Variants in SYNE1 observed in about 807,000 individuals in gnomAD.
SYNE1 encodes the protein nesprin-1.
In SYNE1, 616 loss-of-function variants were observed where a neutral mutation model predicts 1,111.0. That is an observed-to-expected ratio of 0.55 (90% CI 0.52 to 0.59). SYNE1 has a LOEUF of 0.59. Ranked by LOEUF, SYNE1 falls within the 20% of genes least tolerant of loss-of-function variation. The pLI is 0.00. For synonymous variants in SYNE1, 3,855 were observed against 3,825.8 expected, an observed-to-expected ratio of 1.01 and a Z score of -0.28; for missense variants, 10,006 against 10,417.0, an observed-to-expected ratio of 0.96 and a Z score of 1.72.
chr6:152,588,546 T>C (rs1490143386), intron 3 of SYNE1, among the ~76,000 whole-genome samples: 3 of 152,182 alleles, frequency 2.0e-5, no homozygotes, highest in East Asian at 1.9e-4. Context: ...ATGTCAAGAA[T>C]AGACTTGCAG....
intron 101 of SYNE1, among the ~76,000 whole-genome samples, chr6:152,258,441 T>C (rs1457307964): frequency 6.6e-6 from 1 of 152,064 alleles, no homozygotes; most frequent in East Asian, 1.9e-4. Context: ...TATATGTAGT[T>C]TTTCAAAATA....
At chr6:152,253,818 G>GTT (rs35951972) in intron 104 of SYNE1, among the ~76,000 whole-genome samples, 4 of 74,856 alleles carry the variant, frequency 5.3e-5, no homozygotes, top group African/African-American at 6.2e-5. Context: ...TAGTGGTTTG[G>GTT]TTTTTTTTTT....
intron 77 of SYNE1, among the ~76,000 whole-genome samples, chr6:152,332,896 T>C (rs562770921): frequency 2.2e-4 from 34 of 152,322 alleles, no homozygotes; most frequent in African/African-American, 7.5e-4. Flanking sequence ...AGGAGTTCTG[T>C]TTTGGACCTG....
At chr6:152,406,200 G>A (rs959069272) in intron 45 of SYNE1, among the ~76,000 whole-genome samples, 3 of 152,106 alleles carry the variant, frequency 2.0e-5, no homozygotes, top group African/African-American at 7.2e-5. Flanking sequence ...GGGACTCTTT[G>A]TGGAAGCCTG....
chr6:152,363,038 G>A (rs945361974), intron 63 of SYNE1, among the ~76,000 whole-genome samples: 1 of 151,122 alleles, frequency 6.6e-6, no homozygotes, highest in Non-Finnish European at 1.5e-5. Flanking sequence ...CCGCCACCAT[G>A]CCCGGCTAAT....
intron 3 of SYNE1, among the ~76,000 whole-genome samples, chr6:152,605,029 A>G (rs1468543573): frequency 0.018 from 970 of 52,788 alleles, 27 homozygotes; most frequent in African/African-American, 0.049. Context: ...AGAGAGAGAG[A>G]GAGAGAGGGA....
chr6:152,508,030 T>C (rs1391359241), intron 8 of SYNE1, among the ~76,000 whole-genome samples: 2 of 152,186 alleles, frequency 1.3e-5, no homozygotes, highest in African/African-American at 4.8e-5. Flanking sequence ...ACTTCCAAAC[T>C]AGAGTCCCAC....
chr6:152,485,078 A>G, intron 12 of SYNE1, 106 bp from the exon 13 acceptor site: 1 of 1,247,006 alleles, frequency 8.0e-7, no homozygotes, highest in Non-Finnish European at 1.1e-6. Context: ...ATAACACTCA[A>G]TATATGTTGT....
intron 3 of SYNE1, among the ~76,000 whole-genome samples, chr6:152,625,320 G>A (rs1362464710): frequency 1.3e-5 from 2 of 152,188 alleles, no homozygotes; most frequent in Non-Finnish European, 2.9e-5. Flanking sequence ...AATATGCACA[G>A]TGACAACTGA....
chr6:152,213,857 T>A, intron 122 of SYNE1, 98 bp from the exon 123 acceptor site: 1 of 1,521,136 alleles, frequency 6.6e-7, no homozygotes, highest in Non-Finnish European at 9.0e-7. Flanking sequence ...TGCTCAATTC[T>A]AATTGAACCA....
intron 3 of SYNE1, among the ~76,000 whole-genome samples, chr6:152,573,340 C>T (rs1290371692): frequency 7.4e-6 from 1 of 135,580 alleles, no homozygotes; most frequent in Non-Finnish European, 1.6e-5. Flanking sequence ...CCTCCCCCCA[C>T]CCCACAACAG....
At chr6:152,559,814 C>G (rs1445083196) in intron 3 of SYNE1, among the ~76,000 whole-genome samples, 1 of 151,898 alleles carries the variant, frequency 6.6e-6, no homozygotes, top group Non-Finnish European at 1.5e-5. Flanking sequence ...GACTAGAAAA[C>G]AAGAGAAAAC....
chr6:152,346,398 C>A (rs940632177), intron 73 of SYNE1, among the ~76,000 whole-genome samples: 2 of 152,102 alleles, frequency 1.3e-5, no homozygotes, highest in Non-Finnish European at 2.9e-5. Flanking sequence ...AGCTCCTGAC[C>A]TCAAGTGATT....
chr6:152,355,777 A>G (rs1466488445), intron 66 of SYNE1, among the ~76,000 whole-genome samples: 1 of 152,192 alleles, frequency 6.6e-6, no homozygotes, highest in Non-Finnish European at 1.5e-5. Flanking sequence ...AAATCCCATC[A>G]ACAATGTTAA....
intron 87 of SYNE1, 30 bp downstream of exon 87, chr6:152,316,818 AC>A: frequency 6.2e-7 from 1 of 1,613,528 alleles, no homozygotes; most frequent in Non-Finnish European, 8.5e-7. Context: ...GCCCTTGGTT[AC>A]TTTTTAAAGA....
chr6:152,481,589 T>TA (rs561533821), intron 14 of SYNE1: 101 of 448,450 alleles, frequency 2.3e-4, no homozygotes, highest in African/African-American at 1.7e-3. Flanking sequence ...CCAGTTAAGG[T>TA]AAAAAAATAG....
chr6:152,483,310 G>T, intron 13 of SYNE1, 61 bp from the exon 14 acceptor site: 2 of 1,437,136 alleles, frequency 1.4e-6, no homozygotes, highest in Non-Finnish European at 2.0e-6. Flanking sequence ...TTATAAAATT[G>T]CACCCAAATA....
intron 42 of SYNE1, among the ~76,000 whole-genome samples, chr6:152,412,794 T>G (rs1440563697): frequency 1.3e-5 from 2 of 151,864 alleles, no homozygotes; most frequent in African/African-American, 4.8e-5. Flanking sequence ...AAGGCTGTCA[T>G]GGTAGTACTT....
At chr6:152,453,509 T>C (rs769032072) in intron 25 of SYNE1, 77 bp downstream of exon 25, 1 of 1,607,974 alleles carries the variant, frequency 6.2e-7, no homozygotes, top group South Asian at 1.1e-5. Context: ...TAAATTTCTC[T>C]TACATTTGGA....
Sources: gnomAD v4.1 joint callset for allele counts (sites outside exome capture counted in the v4.1 genomes callset) on GRCh38, gnomAD v4.1.1 for gene constraint, MANE v1.5 for transcripts, NCBI Gene and HGNC (gene_info 2026-07-23, HGNC 2026-07-21) for gene names.